Variants in AOPEP observed in about 807,000 individuals in gnomAD.
The protein encoded by AOPEP is aminopeptidase O.
In AOPEP, 77 loss-of-function variants were observed where a neutral mutation model predicts 98.1. The observed-to-expected ratio is 0.78, with a 90% CI of 0.65 to 0.95. The LOEUF (loss-of-function observed/expected upper bound fraction) is 0.95, where lower values mean the gene tolerates loss of function less well. Among genes scored for constraint, AOPEP ranks in the 40% least tolerant of loss-of-function variants. AOPEP has a pLI of 0.00. For synonymous variants in AOPEP, 346 were observed against 365.3 expected, an observed-to-expected ratio of 0.95 and a Z score of 0.60; for missense variants, 1,024 against 1,024.7, an observed-to-expected ratio of 1.00 and a Z score of 0.01.
At chr9:94,867,528 A>G (rs2045846692) in intron 5 of AOPEP, among the ~76,000 whole-genome samples, 1 of 152,228 alleles carries the variant, frequency 6.6e-6, no homozygotes, top group Admixed American at 6.5e-5. Flanking sequence ...TGCGTAGCCC[A>G]TATTATTTGA....
intron 11 of AOPEP, among the ~76,000 whole-genome samples, chr9:94,981,043 C>A (rs2060148773): frequency 6.6e-6 from 1 of 152,158 alleles, no homozygotes; most frequent in South Asian, 2.1e-4. Flanking sequence ...TGGCCTGGAA[C>A]AAGAAGGCTG....
chr9:94,830,870 T>G (rs1309799120), intron 5 of AOPEP, among the ~76,000 whole-genome samples: 1 of 152,254 alleles, frequency 6.6e-6, no homozygotes, highest in Non-Finnish European at 1.5e-5. Flanking sequence ...TGTCTGTTCA[T>G]GTCCTTCACC....
At chr9:94,759,019 C>T (rs356149) in intron 1 of AOPEP, among the ~76,000 whole-genome samples, 7,887 of 151,806 alleles carry the variant, frequency 0.052, 228 homozygotes, top group Admixed American at 0.077. Context: ...AATGATATAC[C>T]TTGAGTATTT....
At chr9:95,120,610 C>T in the AOPEP span, among the ~76,000 whole-genome samples, 1 of 151,508 alleles carries the variant, frequency 6.6e-6, no homozygotes. Context: ...TTTGTAGAGA[C>T]TGGGGTCCCA....
chr9:94,816,917 A>C (rs115452584), intron 5 of AOPEP, among the ~76,000 whole-genome samples: 4,149 of 152,320 alleles, frequency 0.027, 185 homozygotes, highest in African/African-American at 0.094. Context: ...TTTCAGTTCA[A>C]TTCTCCTGAC....
chr9:94,974,291 C>G (rs1475107104), intron 10 of AOPEP, among the ~76,000 whole-genome samples: 2 of 152,172 alleles, frequency 1.3e-5, no homozygotes, highest in Non-Finnish European at 2.9e-5. Context: ...CCAAATAGGG[C>G]ATGATGCAGT....
chr9:94,951,151 C>G (rs958662226), intron 7 of AOPEP, among the ~76,000 whole-genome samples: 2 of 152,214 alleles, frequency 1.3e-5, no homozygotes, highest in Non-Finnish European at 2.9e-5. Context: ...CTCTCACATT[C>G]CATGTATTCC....
chr9:94,746,762 T>G (rs1393791968), intron 1 of AOPEP, among the ~76,000 whole-genome samples: 2 of 152,192 alleles, frequency 1.3e-5, no homozygotes, highest in Non-Finnish European at 2.9e-5. Flanking sequence ...CAAGCTGCCA[T>G]CAGGGAAGCC....
chr9:94,839,795 G>A (rs2042068322), intron 5 of AOPEP, among the ~76,000 whole-genome samples: 1 of 151,908 alleles, frequency 6.6e-6, no homozygotes, highest in Non-Finnish European at 1.5e-5. Flanking sequence ...TTGAGACAGG[G>A]TCTCACTCTG....
Position 95,006,901 on chromosome 9 carries a change from ATTT to A in AOPEP, c.2115+1301_2115+1303del, listed in dbSNP as rs559290637. ...TTTAAAAAATGTGTCGTTGCTGTTA[ATTT>A]TTTTTTTTTTTTTTTGAGACGGAGT... On this transcript the variant is annotated intron_variant, in intron 13 of 16. Transcript: ENST00000375315. Among the ~76,000 whole-genome samples the A allele has an allele frequency of 2.7e-3, 346 of 128,760 alleles. 1 individual carries two copies. The highest frequency in any genetic ancestry group is 3.6e-3 in the Non-Finnish European group (209 of 58,684). The allele number at this position is 128,760 out of a possible 152,430, so 84.5% of individuals were successfully genotyped here. A position where few individuals can be genotyped will look rare whatever the true frequency, so the allele number is the denominator to read the frequency against.
intron 9 of AOPEP, among the ~76,000 whole-genome samples, chr9:94,961,300 A>G (rs1222758896): frequency 6.6e-6 from 1 of 152,180 alleles, no homozygotes; most frequent in African/African-American, 2.4e-5. Context: ...CCCCCTGGAA[A>G]AATAGTGTGC....
the AOPEP span, chr9:95,099,809 G>A: frequency 4.3e-6 from 1 of 232,498 alleles, no homozygotes; most frequent in Non-Finnish European, 8.5e-6. Flanking sequence ...ATGGGCCGAG[G>A]TCAGGGCTTC....
intron 5 of AOPEP, among the ~76,000 whole-genome samples, chr9:94,848,400 T>C (rs2043112763): frequency 7.5e-6 from 1 of 132,570 alleles, no homozygotes; most frequent in African/African-American, 2.9e-5. Context: ...TGTAGTGAGC[T>C]GAGATTACAC....
chr9:95,042,149 A>G (rs1333621095), intron 13 of AOPEP, among the ~76,000 whole-genome samples: 1 of 151,980 alleles, frequency 6.6e-6, no homozygotes, highest in Non-Finnish European at 1.5e-5. Flanking sequence ...CATCTCCACT[A>G]AAAATGCAAA....
chr9:95,082,477 G>C, intron 15 of AOPEP, 98 bp from the exon 16 acceptor site: 1 of 1,365,498 alleles, frequency 7.3e-7, no homozygotes, highest in Non-Finnish European at 9.9e-7. Context: ...TTCTAGACCA[G>C]CAAGTGTGTG....
the AOPEP span, chr9:95,109,685 A>G: frequency 6.6e-6 from 1 of 152,246 alleles, no homozygotes. Flanking sequence ...CCTCAAGGAC[A>G]TCCACAGAGG....
intron 13 of AOPEP, among the ~76,000 whole-genome samples, chr9:95,010,100 AT>A (rs1252650536): frequency 3.9e-5 from 6 of 152,156 alleles, no homozygotes; most frequent in Admixed American, 2.6e-4. Context: ...TGTATATAAA[AT>A]CCAATTTGGT....
At chr9:95,041,675 A>C (rs1425940439) in intron 13 of AOPEP, among the ~76,000 whole-genome samples, 1 of 152,152 alleles carries the variant, frequency 6.6e-6, no homozygotes, top group African/African-American at 2.4e-5. Flanking sequence ...TGGTGGGGTT[A>C]TGTTACTCAT....
intron 9 of AOPEP, among the ~76,000 whole-genome samples, chr9:94,960,202 G>C (rs1004994446): frequency 1.3e-5 from 2 of 152,054 alleles, no homozygotes; most frequent in Non-Finnish European, 2.9e-5. Flanking sequence ...ATGAGGTCAG[G>C]AGTTCGAGAC....
Sources: allele counts gnomAD v4.1 joint callset (sites outside exome capture counted in the v4.1 genomes callset), GRCh38; gene constraint gnomAD v4.1.1; transcripts MANE v1.5; gene names NCBI Gene and HGNC (gene_info 2026-07-23, HGNC 2026-07-21).